Variants in TAS2R4 observed in about 807,000 individuals in gnomAD.
TAS2R4 encodes taste 2 receptor member 4.
In TAS2R4, 18 loss-of-function variants were observed where a neutral mutation model predicts 14.3. The observed-to-expected ratio is 1.26, with a 90% CI of 0.87 to 1.86. TAS2R4 has a LOEUF of 1.86. TAS2R4 is among the 40% of genes most tolerant of loss of function. The pLI is 0.00. For missense variants in TAS2R4, 306 were observed against 342.7 expected (o/e 0.89, Z 0.85); for synonymous variants, 130 against 138.5 (o/e 0.94, Z 0.43).
At position 141,779,509 on chromosome 7, in the gene TAS2R4, C is replaced by T; in HGVS notation, c.*121C>T. On this transcript the variant is annotated 3_prime_UTR_variant, in exon 1 of 1. Transcript: ENST00000247881. ...GTGATTGCTGATCTGACATCATAGG[C>T]TTTTGAGTGCCTGAATTTCAGTTCA... 3 of 936,920 alleles carry T rather than the reference C, an allele frequency of 3.2e-6. No homozygotes were observed. The highest frequency in any genetic ancestry group is 3.0e-6 in the Non-Finnish European group (2 of 672,988). The allele number at this position is 936,920 out of a possible 1,614,324, so 58.0% of individuals were successfully genotyped here.
Position 141,781,266 on chromosome 7 carries a change from T to G in TAS2R4, c.*1878T>G, listed in dbSNP as rs187049455. On this transcript the variant is annotated 3_prime_UTR_variant, in exon 1 of 1. Transcript: ENST00000247881. ...CAGATGAGGTGAATGCTTGGGATAG[T>G]GAAGTAATTCTCCATCCTAGAGCTG... is the stretch of plus-strand genomic sequence containing the variant. Among the ~76,000 whole-genome samples, 109 of 152,320 alleles carry G rather than the reference T, an allele frequency of 7.2e-4. No homozygotes were observed. Among genetic ancestry groups the G allele is most frequent in the African/African-American group, 2.5e-3 (105 of 41,570 alleles).
In TAS2R4 at chr7:141,778,759, T is replaced by C. The variant is rs1299858641; in HGVS notation, c.271T>C (p.Leu91=). The part of the protein sequence containing the change: ...SAFFVLCFMF[L]DSSSVWFVTL... ...TTTTTTTGTGTTGTGTTTCATGTTT[T>C]TGGACTCGAGCAGTGTCTGGTTTGT... Residue 91 remains leucine (L), a synonymous_variant, in exon 1 of 1, where the codon TTG becomes CTG. Coordinates refer to ENST00000247881, the MANE Select transcript of TAS2R4 (RefSeq NM_016944.2). 6.2e-7 allele frequency: 1 copy of C among 1,614,230 alleles called. No homozygotes were observed. Among genetic ancestry groups the C allele is most frequent in the South Asian group, 1.1e-5 (1 of 91,088 alleles).
Position 141,779,187 on chromosome 7 carries a change from CT to C in TAS2R4, c.700del (p.Tyr234IlefsTer33), listed in dbSNP as rs1202955616. On this transcript the variant is annotated frameshift_variant, in exon 1 of 1. Coordinates refer to ENST00000247881, the MANE Select transcript of TAS2R4 (RefSeq NM_016944.2). LOFTEE classifies it high-confidence loss of function. ...ATGTAGGTGCTATGAAGCTGATGGTCTATTTCCTCATCCTCTACATTCCATA... is the reference window on the plus strand; with the variant it reads ...ATGTAGGTGCTATGAAGCTGATGGTCATTTCCTCATCCTCTACATTCCATA... The part of the protein sequence containing the change: ...AHVGAMKLMV[Y>X]FLILYIPYSV... The C allele has an allele frequency of 6.2e-7, 1 of 1,614,170 alleles. No individual in the cohort carries two copies. Among genetic ancestry groups the C allele is most frequent in the Non-Finnish European group, 8.5e-7 (1 of 1,180,022 alleles).
In TAS2R4 at chr7:141,777,709, G is replaced by C. The variant is rs1261173254; in HGVS notation, c.-780G>C. Among the ~76,000 whole-genome samples, 1 of 152,094 alleles carries C rather than the reference G, an allele frequency of 6.6e-6. No homozygotes were observed. Among genetic ancestry groups the C allele is most frequent in the African/African-American group, 2.4e-5 (1 of 41,404 alleles). Reference sequence around the variant, plus strand: ...CACATATGATCTAAACATAAACCCAGATTTATAAAGGAAACACCTACAAGG... The same window carrying C: ...CACATATGATCTAAACATAAACCCACATTTATAAAGGAAACACCTACAAGG... On this transcript the variant is annotated 5_prime_UTR_variant, in exon 1 of 1. Transcript: ENST00000247881.
chr7:141,780,817 T>G lies in TAS2R4; in HGVS notation c.*1429T>G, dbSNP rs1256248132. The G allele has an allele frequency of 6.6e-6, 1 of 152,186 alleles. No individual in the cohort carries two copies. Among genetic ancestry groups the G allele is most frequent in the Non-Finnish European group, 1.5e-5 (1 of 68,030 alleles). The allele number at this position is 152,186 out of a possible 1,614,324, so 9.4% of individuals were successfully genotyped here. ...AAATAAATCTTAAAATTTTATAAAT[T>G]ACATGACTTTTCTCATTCTGGCCAC... On this transcript the variant is annotated 3_prime_UTR_variant, in exon 1 of 1. Coordinates refer to ENST00000247881, the MANE Select transcript of TAS2R4 (RefSeq NM_016944.2).
chr7:141,779,378 T>G lies in TAS2R4; in HGVS notation c.890T>G (p.Phe297Cys), dbSNP rs766539213. 1 of 1,592,792 alleles carries G rather than the reference T, an allele frequency of 6.3e-7. No homozygotes were observed. The highest frequency in any genetic ancestry group is 1.8e-5 in the Admixed American group (1 of 56,568). Reference protein sequence around the residue: ...LKTTAKKILCFKK With the variant: ...LKTTAKKILCCKK ...ACAACAGCAAAGAAGATTCTTTGTT[T>G]CAAAAAATAGTGGAATTTCAGTAAA... Residue 297 changes from phenylalanine to cysteine, a missense_variant, in exon 1 of 1, where the codon TTC becomes TGC. Transcript: ENST00000247881.
At position 141,778,670 on chromosome 7, in the gene TAS2R4, T is replaced by C. The variant is rs1164950597; in HGVS notation, c.182T>C (p.Leu61Pro). 6.2e-7 allele frequency: 1 copy of C among 1,614,250 alleles called. No individual in the cohort carries two copies. The highest frequency in any genetic ancestry group is 1.1e-5 in the South Asian group (1 of 91,090). The change falls in exon 1 of 1, where the codon CTA becomes CCA. Residue 61 changes from leucine to proline, a missense_variant. Leu to Pro is a moderately conservative substitution (Grantham distance 98). Coordinates refer to ENST00000247881, the MANE Select transcript of TAS2R4 (RefSeq NM_016944.2). ...LGITRFLMLG[L>P]FLVNTIYFVS... ...ATCACCAGGTTTCTTATGCTGGGAC[T>C]ATTTCTGGTGAACACCATCTACTTC...
At position 141,777,222 on chromosome 7, in the gene TAS2R4, A is replaced by C. The variant is rs1299727386; in HGVS notation, c.-1267A>C. Among the ~76,000 whole-genome samples, 1 of 152,178 alleles carries C rather than the reference A, an allele frequency of 6.6e-6. No homozygotes were observed. The highest frequency in any genetic ancestry group is 2.4e-5 in the African/African-American group (1 of 41,438). ...TCAGTGCCTGTTAGTTTTGAATAAA[A>C]AGCTTCTGTAAGCACCTGGGCACCA... is the stretch of plus-strand genomic sequence containing the variant. On this transcript the variant is annotated 5_prime_UTR_variant, in exon 1 of 1. Transcript: ENST00000247881.
In TAS2R4 at chr7:141,779,379, C is replaced by G. The variant is rs758255606; in HGVS notation, c.891C>G (p.Phe297Leu). The change falls in exon 1 of 1, where the codon TTC (phenylalanine) becomes TTG (leucine). Residue 297 changes from phenylalanine (F) to leucine (L), a missense_variant. Phe to Leu is a conservative substitution (Grantham distance 22, BLOSUM62 0). Coordinates refer to ENST00000247881, the MANE Select transcript of TAS2R4 (RefSeq NM_016944.2). ...LKTTAKKILC[F>L]KK ...CAACAGCAAAGAAGATTCTTTGTTT[C>G]AAAAAATAGTGGAATTTCAGTAAAC... The G allele has an allele frequency of 2.5e-6, 4 of 1,590,010 alleles. No individual in the cohort carries two copies. The African/African-American group carries it at 5.4e-5, about 22-fold the overall frequency.
In TAS2R4 at chr7:141,777,456, CATTCAGCTGCTAGAGAAGATAAGAG is replaced by C. The variant is rs1800257729; in HGVS notation, c.-1030_-1006del. ...TGCATCCAGGATTGCACCTTGGTTT[CATTCAGCTGCTAGAGAAGATAAGAG>C]ATGCCATACTCTTACATTCACCTAT... On this transcript the variant is annotated 5_prime_UTR_variant, in exon 1 of 1. It adds an upstream start codon to the 5' untranslated region. Transcript: ENST00000247881. Among the ~76,000 whole-genome samples, 1 of 152,180 alleles carries C rather than the reference CATTCAGCTGCTAGAGAAGATAAGAG, an allele frequency of 6.6e-6. No individual in the cohort carries two copies. Among genetic ancestry groups the C allele is most frequent in the Non-Finnish European group, 1.5e-5 (1 of 68,038 alleles).
rs757989458 is a variant in TAS2R4 at position 141,780,794 on chromosome 7, A to G, written c.*1406A>G. On this transcript the variant is annotated 3_prime_UTR_variant, in exon 1 of 1. Transcript: ENST00000247881. The stretch of plus-strand genomic sequence containing the variant: ...CTTATGTAATATTTACATATGTCAA[A>G]TAAATCTTAAAATTTTATAAATTAC... The G allele has an allele frequency of 2.4e-4, 37 of 152,200 alleles. No individual in the cohort carries two copies. The highest frequency in any genetic ancestry group is 5.0e-4 in the Non-Finnish European group (34 of 68,034). 9.4% of individuals were successfully genotyped at this position (152,200 alleles called of 1,614,324 possible).
rs780164268 is a variant in TAS2R4, at chr7:141,777,395, G to C, written c.-1094G>C. ...TTTGGACTTGGCAGTAGGACTTTGTGCTGTACCTTGATGCTACTTTGGTAA... is the reference window on the plus strand; with the variant it reads ...TTTGGACTTGGCAGTAGGACTTTGTCCTGTACCTTGATGCTACTTTGGTAA... On this transcript the variant is annotated 5_prime_UTR_variant, in exon 1 of 1. Transcript: ENST00000247881. Among the ~76,000 whole-genome samples, 2 of 152,126 alleles carry C rather than the reference G, an allele frequency of 1.3e-5. No individual in the cohort carries two copies. Among genetic ancestry groups the C allele is most frequent in the African/African-American group, 4.8e-5 (2 of 41,422 alleles).
In TAS2R4 at chr7:141,781,627, T is replaced by C. The variant is rs978869244; in HGVS notation, c.*2239T>C. On this transcript the variant is annotated 3_prime_UTR_variant, in exon 1 of 1. Transcript: ENST00000247881. Reference sequence around the variant, plus strand: ...ATGAAGAAAAGTCTAAAAGGAAATATATAAAAATGTAAACAGTAATTATTT... The same window carrying C: ...ATGAAGAAAAGTCTAAAAGGAAATACATAAAAATGTAAACAGTAATTATTT... 1.3e-5 allele frequency among the ~76,000 whole-genome samples: 2 copies of C among 152,096 alleles called. No homozygotes were observed. Among genetic ancestry groups the C allele is most frequent in the South Asian group, 2.1e-4 (1 of 4,826 alleles).
rs796083740 is a variant in TAS2R4, at chr7:141,777,727, C to A, written c.-762C>A. Among the ~76,000 whole-genome samples, 90 of 152,290 alleles carry A rather than the reference C, an allele frequency of 5.9e-4. No individual in the cohort carries two copies. Among genetic ancestry groups the A allele is most frequent in the African/African-American group, 2.1e-3 (89 of 41,560 alleles). On this transcript the variant is annotated 5_prime_UTR_variant, in exon 1 of 1. Transcript: ENST00000247881. Reference sequence around the variant, plus strand: ...AAACCCAGATTTATAAAGGAAACACCTACAAGGGCTGACTTAATTTTTTCT... The same window carrying A: ...AAACCCAGATTTATAAAGGAAACACATACAAGGGCTGACTTAATTTTTTCT...
rs923351515 is a variant in TAS2R4 at position 141,779,632 on chromosome 7, G to A, written c.*244G>A. 2.6e-5 allele frequency: 11 copies of A among 417,324 alleles called. No homozygotes were observed. Among genetic ancestry groups the A allele is most frequent in the Non-Finnish European group, 3.4e-5 (8 of 234,812 alleles). 25.9% of individuals were successfully genotyped at this position (417,324 alleles called of 1,614,324 possible). On this transcript the variant is annotated 3_prime_UTR_variant, in exon 1 of 1. Coordinates refer to ENST00000247881, the MANE Select transcript of TAS2R4 (RefSeq NM_016944.2). ...CATTATTTGTCATGTATTTTGCATGGCCATTGAATCCATGTATAATGGAAA... is the reference window on the plus strand; with the variant it reads ...CATTATTTGTCATGTATTTTGCATGACCATTGAATCCATGTATAATGGAAA...
rs755011068 is a variant in TAS2R4, at chr7:141,776,781, A to G, written c.-1708A>G. 1.3e-4 allele frequency among the ~76,000 whole-genome samples: 20 copies of G among 152,110 alleles called. No individual in the cohort carries two copies. Among genetic ancestry groups the G allele is most frequent in the Non-Finnish European group, 2.5e-4 (17 of 68,006 alleles). ...CAGCTAGGAAGTTTAACCATAGGTCAAATTCTCATGCATAGGGAGAAAGGG... is the reference window on the plus strand; with the variant it reads ...CAGCTAGGAAGTTTAACCATAGGTCGAATTCTCATGCATAGGGAGAAAGGG... On this transcript the variant is annotated 5_prime_UTR_variant, in exon 1 of 1. Transcript: ENST00000247881.
In TAS2R4 at chr7:141,779,047, C is replaced by T. The variant is rs1800286226; in HGVS notation, c.559C>T (p.Leu187Phe). ...GGTTTCTTTGGTCTTGAGCTCATCT[C>T]TCCAGTTCATCATTAATGTGACTTC... is the stretch of plus-strand genomic sequence containing the variant. ...LVVSLVLSSS[L>F]QFIINVTSAS... is the part of the protein sequence containing the mutation. Residue 187 changes from leucine (L) to phenylalanine (F), a missense_variant, in exon 1 of 1, where the codon CTC (leucine) becomes TTC (phenylalanine). Transcript: ENST00000247881. The T allele has an allele frequency of 1.2e-6, 2 of 1,614,220 alleles. No individual in the cohort carries two copies. Among genetic ancestry groups the T allele is most frequent in the Non-Finnish European group, 1.7e-6 (2 of 1,180,038 alleles).
chr7:141,778,837 G>A lies in TAS2R4; in HGVS notation c.349G>A (p.Val117Met). ...CVKITNFQHS[V>M]FLLLKRNISP... ...GAAGATTACTAACTTCCAACACTCA[G>A]TGTTTCTCCTGCTGAAGCGGAATAT... The change falls in exon 1 of 1, where the codon GTG (valine) becomes ATG (methionine). Residue 117 changes from valine (V) to methionine (M), a missense_variant. Val to Met is a conservative substitution (Grantham distance 21). Transcript: ENST00000247881. 1 of 1,614,192 alleles carries A rather than the reference G, an allele frequency of 6.2e-7. No individual in the cohort carries two copies.
rs762492702 is a variant in TAS2R4, at chr7:141,779,318, C to G, written c.830C>G (p.Ser277Cys). ...IFATLYSPGHSVLIIITHPKL... is the reference protein window; with the variant it reads ...IFATLYSPGHCVLIIITHPKL... ...GCCACCCTTTACTCTCCAGGACATT[C>G]TGTTCTCATTATTATCACACATCCT... The change falls in exon 1 of 1, where the codon TCT becomes TGT. Residue 277 changes from serine to cysteine, a missense_variant. Transcript: ENST00000247881. 6.2e-7 allele frequency: 1 copy of G among 1,614,178 alleles called. No homozygotes were observed. Among genetic ancestry groups the G allele is most frequent in the Non-Finnish European group, 8.5e-7 (1 of 1,180,012 alleles).
Sources: gnomAD v4.1 joint callset for allele counts (sites outside exome capture counted in the v4.1 genomes callset) on GRCh38, gnomAD v4.1.1 for gene constraint, MANE v1.5 for transcripts, NCBI Gene and HGNC (gene_info 2026-07-23, HGNC 2026-07-21) for gene names.